Variants in MED7 observed in about 807,000 individuals in gnomAD.
MED7 encodes mediator of RNA polymerase II transcription subunit 7.
MED7 carries 7 observed loss-of-function variants against 16.6 expected under a neutral mutation model. The observed-to-expected ratio is 0.42, with a 90% CI of 0.24 to 0.79. The LOEUF (loss-of-function observed/expected upper bound fraction) is 0.79, where lower values mean the gene tolerates loss of function less well. MED7 is among the 30% of genes least tolerant of loss of function. The pLI is 0.27. For missense variants in MED7, 240 were observed against 286.3 expected (o/e 0.84, Z 1.17); for synonymous variants, 88 against 90.5 (o/e 0.97, Z 0.16).
chr5:157,141,673 C>G (rs1757726844), intron 1 of MED7, among the ~76,000 whole-genome samples: 1 of 152,164 alleles, frequency 6.6e-6, no homozygotes, highest in South Asian at 2.1e-4. Flanking sequence ...ACTGCAACCT[C>G]TGCCTCCCGG....
chr5:157,138,529 C>G lies in MED7; in HGVS notation c.*201G>C. The G allele has an allele frequency of 2.1e-6, 1 of 476,482 alleles. No homozygotes were observed. Among genetic ancestry groups the G allele is most frequent in the Non-Finnish European group, 3.7e-6 (1 of 273,634 alleles). 29.5% of individuals were successfully genotyped at this position (476,482 alleles called of 1,614,324 possible). A position where few individuals can be genotyped will look rare whatever the true frequency, so the allele number is the denominator to read the frequency against. ...TAACACTTTGCTTTTTAAAGTGATT[C>G]TTCTTAGTGCAGGGACACTCATTTG... On this transcript the variant is annotated 3_prime_UTR_variant, in exon 2 of 2. Coordinates refer to ENST00000286317, the MANE Select transcript of MED7 (RefSeq NM_004270.5).
At chr5:157,140,501 ACATCGGG>A (rs146671237) in intron 1 of MED7, among the ~76,000 whole-genome samples, 6,461 of 152,284 alleles carry the variant, frequency 0.042, 318 homozygotes, top group African/African-American at 0.12. Context: ...ACACACTCTA[ACATCGGG>A]TGGGGCAAGT....
rs1223580752 is a variant in MED7 at position 157,139,131 on chromosome 5, C to T, written c.301G>A (p.Gly101Arg). 1.2e-6 allele frequency: 2 copies of T among 1,613,684 alleles called. No homozygotes were observed. The highest frequency in any genetic ancestry group is 1.3e-5 in the African/African-American group (1 of 74,850). ...AGTTTCTCTTCTCGTTTTATACTCC[C>T]AGGGCTCCTTATTAAAATATCTAAA... ...DLLDILIRSP[G>R]SIKREEKLED... The change falls in exon 2 of 2, where the codon GGG becomes AGG. Residue 101 changes from glycine to arginine, a missense_variant. Transcript: ENST00000286317.
chr5:157,142,440 A>T (rs1322617047), intron 1 of MED7: 1 of 152,246 alleles, frequency 6.6e-6, no homozygotes, highest in African/African-American at 2.4e-5. Context: ...AAGGAAGGGC[A>T]GGGAGGGCTA....
In MED7 at chr5:157,139,252, T is replaced by G. The variant is rs1757687872; in HGVS notation, c.180A>C (p.Glu60Asp). The change falls in exon 2 of 2, where the codon GAA (glutamate) becomes GAC (aspartate). Residue 60 changes from glutamate to aspartate, a missense_variant. Physicochemically the swap from Glu to Asp is conservative, Grantham distance 45. Transcript: ENST00000286317. ...QCDDLIIRPL[E>D]SQGIERLHPM... The stretch of plus-strand genomic sequence containing the variant: ...GATGAAGCCGTTCGATGCCCTGACT[T>G]TCCAAAGGGCGGATGATAAGATCAT... 1.2e-6 allele frequency: 2 copies of G among 1,613,898 alleles called. No homozygotes were observed.
In MED7 at chr5:157,138,813, T is replaced by C; in HGVS notation, c.619A>G (p.Asn207Asp). 6.2e-7 allele frequency: 1 copy of C among 1,614,142 alleles called. No homozygotes were observed. The highest frequency in any genetic ancestry group is 8.5e-7 in the Non-Finnish European group (1 of 1,180,018). Residue 207 changes from asparagine to aspartate, a missense_variant, in exon 2 of 2, where the codon AAT (asparagine) becomes GAT (aspartate). Asn to Asp is a conservative substitution (Grantham distance 23). Transcript: ENST00000286317. ...ATCTGATCTCTCCTATGACCTGAAT[T>C]TTCTCTTTGATGTTCATTCTGTCCA... ...CTGQNEHQRENSGHRRDQIIE... is the reference protein window; with the variant it reads ...CTGQNEHQREDSGHRRDQIIE...
chr5:157,142,233 G>C (rs1757736886), intron 1 of MED7, among the ~76,000 whole-genome samples: 1 of 152,142 alleles, frequency 6.6e-6, no homozygotes, highest in South Asian at 2.1e-4. Context: ...TGTTCTACTG[G>C]GGGAGAAGGA....
Position 157,138,658 on chromosome 5 carries a change from A to T in MED7, c.*72T>A. The T allele has an allele frequency of 7.6e-7, 1 of 1,312,672 alleles. No homozygotes were observed. The highest frequency in any genetic ancestry group is 1.0e-6 in the Non-Finnish European group (1 of 960,630). 81.3% of individuals were successfully genotyped at this position (1,312,672 alleles called of 1,614,324 possible). A position where few individuals can be genotyped will look rare whatever the true frequency, so the allele number is the denominator to read the frequency against. On this transcript the variant is annotated 3_prime_UTR_variant, in exon 2 of 2. Coordinates refer to ENST00000286317, the MANE Select transcript of MED7 (RefSeq NM_004270.5). ...TACATTTTTAGTGAAACTTCTCTTA[A>T]GACTGTCCAAAAGAAAATGAACTAA... is the stretch of plus-strand genomic sequence containing the variant.
rs773411179 is a variant in MED7, at chr5:157,139,078, G to A, written c.354C>T (p.His118=). 3.1e-6 allele frequency: 5 copies of A among 1,613,898 alleles called. No homozygotes were observed. The highest frequency in any genetic ancestry group is 2.2e-5 in the East Asian group (1 of 44,894). The change falls in exon 2 of 2, where the codon CAC becomes CAT. Residue 118 remains histidine, a synonymous_variant. Coordinates refer to ENST00000286317, the MANE Select transcript of MED7 (RefSeq NM_004270.5). ...KLEDLKLLFV[H]VHHLINEYRP... ...GGTATTCATTTATAAGATGATGCAC[G>A]TGTACAAAAAGCAGCTTAAGATCTT... is the stretch of plus-strand genomic sequence containing the variant.
rs1757658846 is a variant in MED7, at chr5:157,137,882, A to G, written c.*848T>C. On this transcript the variant is annotated 3_prime_UTR_variant, in exon 2 of 2. Transcript: ENST00000286317. ...ATTTCACCGCCTACGACTTAGTCAT[A>G]TGTTCTCACAGAGATGCTGGGAGTA... The G allele has an allele frequency of 6.6e-6, 1 of 150,878 alleles. No homozygotes were observed. The highest frequency in any genetic ancestry group is 2.5e-5 in the African/African-American group (1 of 40,194). 9.3% of individuals were successfully genotyped at this position (150,878 alleles called of 1,614,324 possible). A position where few individuals can be genotyped will look rare whatever the true frequency, so the allele number is the denominator to read the frequency against.
At position 157,138,824 on chromosome 5, in the gene MED7, T is replaced by A. The variant is rs148324701; in HGVS notation, c.608A>T (p.His203Leu). The A allele has an allele frequency of 3.1e-6, 5 of 1,614,070 alleles. No homozygotes were observed. The African/African-American group carries it at 6.7e-5, about 22-fold the overall frequency. The part of the protein sequence containing the change: ...DSNNCTGQNE[H>L]QRENSGHRRD... ...CCTATGACCTGAATTTTCTCTTTGATGTTCATTCTGTCCAGTACAATTGTT... is the reference window on the plus strand; with the variant it reads ...CCTATGACCTGAATTTTCTCTTTGAAGTTCATTCTGTCCAGTACAATTGTT... The change falls in exon 2 of 2, where the codon CAT becomes CTT. Residue 203 changes from histidine (H) to leucine (L), a missense_variant. Transcript: ENST00000286317.
Position 157,138,805 on chromosome 5 carries a change from A to G in MED7, c.627T>C (p.Gly209=). 1 of 1,614,118 alleles carries G rather than the reference A, an allele frequency of 6.2e-7. No homozygotes were observed. The highest frequency in any genetic ancestry group is 1.3e-5 in the African/African-American group (1 of 75,058). Residue 209 remains glycine (G), a synonymous_variant, in exon 2 of 2, where the codon GGT becomes GGC. Coordinates refer to ENST00000286317, the MANE Select transcript of MED7 (RefSeq NM_004270.5). The part of the protein sequence containing the change: ...GQNEHQRENS[G]HRRDQIIEKD... ...TCTCTATAATCTGATCTCTCCTATGACCTGAATTTTCTCTTTGATGTTCAT... is the reference window on the plus strand; with the variant it reads ...TCTCTATAATCTGATCTCTCCTATGGCCTGAATTTTCTCTTTGATGTTCAT...
At position 157,139,129 on chromosome 5, in the gene MED7, C is replaced by T; in HGVS notation, c.303G>A (p.Gly101=). The T allele has an allele frequency of 1.2e-6, 2 of 1,613,756 alleles. No individual in the cohort carries two copies. Among genetic ancestry groups the T allele is most frequent in the Non-Finnish European group, 1.7e-6 (2 of 1,179,856 alleles). ...CTAGTTTCTCTTCTCGTTTTATACT[C>T]CCAGGGCTCCTTATTAAAATATCTA... The part of the protein sequence containing the change: ...DLLDILIRSP[G]SIKREEKLED... The change falls in exon 2 of 2, where the codon GGG becomes GGA. Residue 101 remains glycine, a synonymous_variant. Transcript: ENST00000286317.
chr5:157,141,573 G>A (rs1757725103), intron 1 of MED7, among the ~76,000 whole-genome samples: 1 of 151,950 alleles, frequency 6.6e-6, no homozygotes, highest in Non-Finnish European at 1.5e-5. Context: ...ATGAATTAAG[G>A]TTTTTGGGGT....
At chr5:157,141,394 T>C (rs1424800326) in intron 1 of MED7, among the ~76,000 whole-genome samples, 1 of 151,844 alleles carries the variant, frequency 6.6e-6, no homozygotes, top group Non-Finnish European at 1.5e-5. Context: ...ATACAATTTT[T>C]GACAGCTCAC....
intron 1 of MED7, among the ~76,000 whole-genome samples, chr5:157,141,481 C>T (rs931874725): frequency 3.9e-5 from 6 of 152,296 alleles, no homozygotes; most frequent in Middle Eastern, 3.4e-3. Flanking sequence ...TCCTGTATTG[C>T]GGCTGCCATT....
At chr5:157,141,779 C>T (rs918952536) in intron 1 of MED7, among the ~76,000 whole-genome samples, 8 of 152,098 alleles carry the variant, frequency 5.3e-5, no homozygotes, top group African/African-American at 1.9e-4. Context: ...TCGGTAAAGA[C>T]AGGTTTTCAC....
intron 1 of MED7, among the ~76,000 whole-genome samples, chr5:157,139,887 C>T (rs966926001): frequency 3.5e-4 from 54 of 152,226 alleles, no homozygotes; most frequent in African/African-American, 1.3e-3. Context: ...CATAAACACT[C>T]TGACAAAATT....
chr5:157,141,952 G>T (rs928821329), intron 1 of MED7, among the ~76,000 whole-genome samples: 22 of 152,288 alleles, frequency 1.4e-4, no homozygotes, highest in African/African-American at 5.3e-4. Flanking sequence ...TCAATGAGGG[G>T]AAGTGTTGCC....
Sources: allele counts gnomAD v4.1 joint callset (sites outside exome capture counted in the v4.1 genomes callset), GRCh38; gene constraint gnomAD v4.1.1; transcripts MANE v1.5; gene names NCBI Gene and HGNC (gene_info 2026-07-23, HGNC 2026-07-21).